The following LIN7A variants were observed in gnomAD, a reference collection of about 807,000 sequenced individuals.
The protein encoded by LIN7A is lin-7 cell polarity scaffold A.
Under a neutral mutation model 29.8 loss-of-function variants are expected in LIN7A, and 25 were observed. That is an observed-to-expected ratio of 0.84 (90% CI 0.61 to 1.17). LIN7A has a LOEUF of 1.17. LIN7A is among the 50% of genes most tolerant of loss of function. The pLI is 0.00. For synonymous variants in LIN7A, 118 were observed against 107.5 expected (o/e 1.10, Z -0.60); for missense variants, 239 against 287.0 (o/e 0.83, Z 1.21).
chr12:80,846,879 T>C (rs1402374803), intron 3 of LIN7A, among the ~76,000 whole-genome samples: 5 of 152,232 alleles, frequency 3.3e-5, no homozygotes, highest in Admixed American at 1.3e-4. Context: ...TGCTTATTTT[T>C]CACTTTTATT....
intron 5 of LIN7A, among the ~76,000 whole-genome samples, chr12:80,806,404 G>A (rs1870991223): frequency 6.6e-6 from 1 of 152,094 alleles, no homozygotes; most frequent in Non-Finnish European, 1.5e-5. Context: ...TTTACTTTAA[G>A]AGAGTTTACA....
At chr12:80,870,300 T>C (rs1874362632) in intron 2 of LIN7A, among the ~76,000 whole-genome samples, 1 of 152,058 alleles carries the variant, frequency 6.6e-6, no homozygotes, top group Non-Finnish European at 1.5e-5. Context: ...CTTGGATGAA[T>C]ACAAAATGAA....
At chr12:80,927,257 C>G (rs527940078) in intron 1 of LIN7A, among the ~76,000 whole-genome samples, 76 of 145,724 alleles carry the variant, frequency 5.2e-4, no homozygotes, top group African/African-American at 1.7e-3. Flanking sequence ...CGCCTTCCGG[C>G]TTCAGGCGAT....
At chr12:80,873,933 G>A (rs963510402) in intron 2 of LIN7A, among the ~76,000 whole-genome samples, 2 of 151,700 alleles carry the variant, frequency 1.3e-5, no homozygotes, top group African/African-American at 4.8e-5. Flanking sequence ...CCTACAACTG[G>A]TAGGGCTGGG....
chr12:80,841,780 A>G (rs933081040), intron 4 of LIN7A: 12 of 544,602 alleles, frequency 2.2e-5, no homozygotes, highest in Non-Finnish European at 2.8e-5. Context: ...AACCCTTATA[A>G]ATAGTCCTTG....
At chr12:80,886,149 TCA>T (rs1470058007) in intron 2 of LIN7A, among the ~76,000 whole-genome samples, 2 of 151,974 alleles carry the variant, frequency 1.3e-5, no homozygotes, top group African/African-American at 4.8e-5. Context: ...TCTGAAAAAC[TCA>T]GATAACCACA....
At chr12:80,804,293 T>C (rs1175251051) in intron 5 of LIN7A, among the ~76,000 whole-genome samples, 2 of 152,126 alleles carry the variant, frequency 1.3e-5, no homozygotes, top group Non-Finnish European at 2.9e-5. Flanking sequence ...CACCCTGTTG[T>C]GCTGTCAAAT....
At chr12:80,848,359 C>T (rs1873175468) in intron 2 of LIN7A, 37 bp from the exon 3 acceptor site, 1 of 1,381,532 alleles carries the variant, frequency 7.2e-7, no homozygotes, top group African/African-American at 1.4e-5. Flanking sequence ...TGTGTAAGAA[C>T]ATGAAGAATA....
At chr12:80,799,021 C>T (rs750287739) in intron 5 of LIN7A, among the ~76,000 whole-genome samples, 18 of 152,128 alleles carry the variant, frequency 1.2e-4, no homozygotes, top group Non-Finnish European at 2.2e-4. Flanking sequence ...TGTGAGCCAC[C>T]GTGCCTGGCC....
intron 4 of LIN7A, among the ~76,000 whole-genome samples, chr12:80,824,180 G>A (rs925261692): frequency 1.3e-5 from 2 of 151,924 alleles, no homozygotes; most frequent in Non-Finnish European, 1.5e-5. Flanking sequence ...TGAAACAGGG[G>A]ATATTACAAC....
chr12:80,864,345 T>A (rs1874031034), intron 2 of LIN7A, among the ~76,000 whole-genome samples: 1 of 151,688 alleles, frequency 6.6e-6, no homozygotes. Flanking sequence ...AAGAAATGAA[T>A]CACTTTATTG....
chr12:80,907,534 C>T (rs1876548275), intron 1 of LIN7A, among the ~76,000 whole-genome samples: 1 of 152,146 alleles, frequency 6.6e-6, no homozygotes, highest in Non-Finnish European at 1.5e-5. Flanking sequence ...ATCTCAGCTT[C>T]AGCATCTTTA....
intron 1 of LIN7A, among the ~76,000 whole-genome samples, chr12:80,914,079 A>C (rs151079838): frequency 6.6e-6 from 1 of 151,786 alleles, no homozygotes; most frequent in Non-Finnish European, 1.5e-5. Flanking sequence ...CCTCATTTTC[A>C]CCTCATATTA....
At chr12:80,819,973 T>C (rs1871717540) in intron 4 of LIN7A, among the ~76,000 whole-genome samples, 1 of 152,186 alleles carries the variant, frequency 6.6e-6, no homozygotes, top group Non-Finnish European at 1.5e-5. Context: ...ACCAAGTAAA[T>C]TAATAGTGTA....
chr12:80,933,076 T>C (rs576815034), intron 1 of LIN7A, among the ~76,000 whole-genome samples: 6 of 152,336 alleles, frequency 3.9e-5, no homozygotes, highest in Admixed American at 3.9e-4. Context: ...AATATTGGAC[T>C]AAAATTGAAT....
chr12:80,846,546 T>C lies in LIN7A; in HGVS notation c.274-607A>G, dbSNP rs192373741. ...GAGAATGAAAACTAAAATAAAATAA[T>C]AGATTCAAACAGATTATTGTTAGCT... On this transcript the variant is annotated intron_variant, in intron 3 of 5. Coordinates refer to ENST00000552864, the MANE Select transcript of LIN7A (RefSeq NM_004664.4). Among the ~76,000 whole-genome samples, 3 of 152,282 alleles carry C rather than the reference T, an allele frequency of 2.0e-5. 1 individual carries two copies. The highest frequency in any genetic ancestry group is 1.3e-4 in the Admixed American group (2 of 15,300).
intron 2 of LIN7A, chr12:80,861,294 T>C (rs912123456): frequency 1.3e-5 from 2 of 151,900 alleles, no homozygotes; most frequent in African/African-American, 4.9e-5. Flanking sequence ...CAGTCGTCCT[T>C]CCCTGCAGGG....
intron 1 of LIN7A, among the ~76,000 whole-genome samples, chr12:80,895,791 G>T (rs941100865): frequency 6.6e-6 from 1 of 152,150 alleles, no homozygotes; most frequent in Non-Finnish European, 1.5e-5. Flanking sequence ...AAGTGCCTTG[G>T]AGGTAAAACT....
At chr12:80,853,647 A>G (rs1026478035) in intron 2 of LIN7A, among the ~76,000 whole-genome samples, 9 of 152,160 alleles carry the variant, frequency 5.9e-5, no homozygotes, top group African/African-American at 2.2e-4. Context: ...GTTAAAAAAA[A>G]AAAACATACT....
Sources: gnomAD v4.1 joint callset for allele counts (sites outside exome capture counted in the v4.1 genomes callset) on GRCh38, gnomAD v4.1.1 for gene constraint, MANE v1.5 for transcripts, NCBI Gene and HGNC (gene_info 2026-07-23, HGNC 2026-07-21) for gene names.